The following ZBTB20 variants were observed in gnomAD, a reference collection of about 807,000 sequenced individuals.
ZBTB20 encodes the protein zinc finger and BTB domain containing 20, also known as zinc finger and BTB domain-containing protein 20.
A neutral mutation model predicts 56.9 loss-of-function variants in ZBTB20; 9 were observed. That is an observed-to-expected ratio of 0.16 (90% CI 0.10 to 0.28). The LOEUF is 0.28. Ranked by LOEUF, ZBTB20 falls within the 10% of genes least tolerant of loss-of-function variation. The pLI is 1.00. For synonymous variants in ZBTB20, 417 were observed against 420.7 expected (o/e 0.99, Z 0.11); for missense variants, 655 against 1,003.0 (o/e 0.65, Z 4.69).
At chr3:114,385,977 C>A (rs1187910524) in intron 8 of ZBTB20, among the ~76,000 whole-genome samples, 1 of 152,232 alleles carries the variant, frequency 6.6e-6, no homozygotes, top group East Asian at 1.9e-4. Flanking sequence ...GACCAGCAAT[C>A]TCTTCCTCAA....
chr3:114,487,937 C>T (rs1238222874), intron 7 of ZBTB20, among the ~76,000 whole-genome samples: 1 of 152,156 alleles, frequency 6.6e-6, no homozygotes, highest in Non-Finnish European at 1.5e-5. Flanking sequence ...AATGTCAATC[C>T]TGCCCTGGAG....
Position 115,137,454 on chromosome 3 carries a change from A to G in ZBTB20, c.-703+9765T>C, listed in dbSNP as rs371365572. Among the ~76,000 whole-genome samples the G allele has an allele frequency of 8.5e-5, 13 of 152,200 alleles. No individual in the cohort carries two copies. In the South Asian group the frequency reaches 1.0e-3, roughly 12 times the overall value. ...ATGCTGACTATACTAAATATAATCC[A>G]AAGTCATGTACACTGACTTTACCTG... On this transcript the variant is annotated intron_variant, in intron 1 of 11. Transcript: ENST00000675478.
chr3:115,025,614 T>C (rs2080392446), intron 2 of ZBTB20, among the ~76,000 whole-genome samples: 1 of 150,876 alleles, frequency 6.6e-6, no homozygotes, highest in Non-Finnish European at 1.5e-5. Flanking sequence ...ATAAAAATTA[T>C]ACAAATTGAG....
intron 6 of ZBTB20, among the ~76,000 whole-genome samples, chr3:114,644,468 C>T (rs1294996574): frequency 6.6e-6 from 1 of 152,040 alleles, no homozygotes; most frequent in African/African-American, 2.4e-5. Context: ...CATTTTGTGT[C>T]TAATTATTGA....
intron 6 of ZBTB20, among the ~76,000 whole-genome samples, chr3:114,517,480 G>A (rs1300006247): frequency 6.6e-6 from 1 of 152,128 alleles, no homozygotes; most frequent in Non-Finnish European, 1.5e-5. Flanking sequence ...TCATACTAGA[G>A]GCACGTTAAA....
At chr3:114,726,723 T>C (rs571474753) in intron 5 of ZBTB20, among the ~76,000 whole-genome samples, 13 of 150,770 alleles carry the variant, frequency 8.6e-5, no homozygotes, top group East Asian at 3.9e-4. Context: ...TCATCCTGGC[T>C]AACATGGTGA....
At chr3:114,515,948 G>A (rs945520124) in intron 6 of ZBTB20, among the ~76,000 whole-genome samples, 3 of 150,486 alleles carry the variant, frequency 2.0e-5, no homozygotes, top group Non-Finnish European at 2.9e-5. Context: ...CTAAGCTCCC[G>A]TTTATTCCTC....
At chr3:114,946,642 C>T (rs987275155) in intron 3 of ZBTB20, among the ~76,000 whole-genome samples, 2 of 145,400 alleles carry the variant, frequency 1.4e-5, no homozygotes, top group Admixed American at 1.3e-4. Flanking sequence ...CTGAAAAACA[C>T]ATATTACCAA....
intron 3 of ZBTB20, among the ~76,000 whole-genome samples, chr3:114,939,614 TAA>T (rs2076661919): frequency 6.8e-6 from 1 of 146,376 alleles, no homozygotes; most frequent in African/African-American, 2.8e-5. Flanking sequence ...GCAAAATAGT[TAA>T]AATGATTTAG....
At chr3:114,838,518 G>A (rs2074226558) in intron 4 of ZBTB20, among the ~76,000 whole-genome samples, 1 of 151,422 alleles carries the variant, frequency 6.6e-6, no homozygotes, top group South Asian at 2.1e-4. Flanking sequence ...GATGTGTAGA[G>A]CCCTGGAATT....
intron 4 of ZBTB20, among the ~76,000 whole-genome samples, chr3:114,881,706 C>A (rs2076404819): frequency 6.6e-6 from 1 of 151,768 alleles, no homozygotes; most frequent in African/African-American, 2.4e-5. Flanking sequence ...AATATGCTTT[C>A]TTTTTACCTT....
intron 7 of ZBTB20, among the ~76,000 whole-genome samples, chr3:114,499,709 CT>C (rs893137988): frequency 2.0e-5 from 3 of 151,872 alleles, no homozygotes; most frequent in Non-Finnish European, 4.4e-5. Flanking sequence ...TGAACGTTCT[CT>C]TTTTTTTCAT....
intron 6 of ZBTB20, among the ~76,000 whole-genome samples, chr3:114,668,605 G>A (rs751073714): frequency 2.0e-5 from 3 of 151,898 alleles, no homozygotes; most frequent in African/African-American, 4.8e-5. Flanking sequence ...TTTTCACTAG[G>A]TCTCTCTTTA....
At chr3:114,701,742 C>T (rs1341819787) in intron 5 of ZBTB20, among the ~76,000 whole-genome samples, 1 of 151,850 alleles carries the variant, frequency 6.6e-6, no homozygotes, top group Non-Finnish European at 1.5e-5. Context: ...GAATATGAAA[C>T]CATCTAACTG....
At chr3:115,019,351 G>C (rs914632881) in intron 2 of ZBTB20, among the ~76,000 whole-genome samples, 2 of 151,198 alleles carry the variant, frequency 1.3e-5, no homozygotes, top group Non-Finnish European at 3.0e-5. Flanking sequence ...TGAAATCATG[G>C]TATTTTAAAC....
intron 6 of ZBTB20, among the ~76,000 whole-genome samples, chr3:114,647,175 G>A (rs2059892486): frequency 6.6e-6 from 1 of 152,200 alleles, no homozygotes; most frequent in South Asian, 2.1e-4. Flanking sequence ...AACCAGGATG[G>A]TCTCGATCTC....
chr3:115,146,231 T>G (rs571415502), intron 1 of ZBTB20, among the ~76,000 whole-genome samples: 1 of 152,232 alleles, frequency 6.6e-6, no homozygotes, highest in Non-Finnish European at 1.5e-5. Context: ...GTACCGTAGC[T>G]GTACGCCATA....
At chr3:114,591,347 C>A (rs2055741668) in intron 6 of ZBTB20, among the ~76,000 whole-genome samples, 1 of 152,186 alleles carries the variant, frequency 6.6e-6, no homozygotes, top group Admixed American at 6.5e-5. Context: ...ATTTCACACT[C>A]TTGATAAACT....
chr3:114,806,204 T>A (rs2072090450), intron 4 of ZBTB20, among the ~76,000 whole-genome samples: 1 of 151,862 alleles, frequency 6.6e-6, no homozygotes, highest in African/African-American at 2.4e-5. Flanking sequence ...CTCTTACATC[T>A]CCCCTGGTAA....
Sources: gnomAD v4.1 joint callset for allele counts (sites outside exome capture counted in the v4.1 genomes callset) on GRCh38, gnomAD v4.1.1 for gene constraint, MANE v1.5 for transcripts, NCBI Gene and HGNC (gene_info 2026-07-23, HGNC 2026-07-21) for gene names.